LAMP5: variants seen among roughly 807,000 people sequenced by gnomAD.
LAMP5 encodes lysosome-associated membrane glycoprotein 5.
A neutral mutation model predicts 30.2 loss-of-function variants in LAMP5; 36 were observed. That is an observed-to-expected ratio of 1.19 (90% CI 0.91 to 1.57). The LOEUF (loss-of-function observed/expected upper bound fraction) is 1.57, where lower values mean the gene tolerates loss of function less well. LAMP5 is among the 40% of genes most tolerant of loss of function. LAMP5 has a pLI of 0.00. For synonymous variants in LAMP5, 149 were observed against 134.6 expected (o/e 1.11, Z -0.74); for missense variants, 377 against 354.9 (o/e 1.06, Z -0.50).
chr20:9,527,955 C>T (rs946385219), intron 5 of LAMP5, among the ~76,000 whole-genome samples: 3 of 152,206 alleles, frequency 2.0e-5, no homozygotes, highest in African/African-American at 4.8e-5. Flanking sequence ...TCAAGCTCTA[C>T]ACTTACTTAA....
chr20:9,525,523 C>T (rs776836335), intron 5 of LAMP5, among the ~76,000 whole-genome samples: 2 of 152,198 alleles, frequency 1.3e-5, no homozygotes, highest in Non-Finnish European at 2.9e-5. Context: ...CTCTTTCTCT[C>T]ACAATGTTCC....
Position 9,520,798 on chromosome 20 carries a change from C to A in LAMP5, c.664+2570C>A, listed in dbSNP as rs139998192. ...GGACACTCACAAGGGCTGAGAGCAG[C>A]CCAAATGGAGGTTGACATCTTTATC... On this transcript the variant is annotated intron_variant, in intron 5 of 5. Transcript: ENST00000246070. Among the ~76,000 whole-genome samples, 25 of 152,260 alleles carry A rather than the reference C, an allele frequency of 1.6e-4. No individual in the cohort carries two copies. In the East Asian group the frequency reaches 4.8e-3, roughly 29 times the overall value.
At position 9,529,907 on chromosome 20, in the gene LAMP5, A is replaced by T. The variant is rs1275536118; in HGVS notation, c.*87A>T. The stretch of plus-strand genomic sequence containing the variant: ...AGCACTTTTCCATCTTGTACACGAG[A>T]TACACCAACATAGCTACAATCAAAC... On this transcript the variant is annotated 3_prime_UTR_variant, in exon 6 of 6. Coordinates refer to ENST00000246070, the MANE Select transcript of LAMP5 (RefSeq NM_012261.4). 3.1e-6 allele frequency: 4 copies of T among 1,299,140 alleles called. No homozygotes were observed. Among genetic ancestry groups the T allele is most frequent in the Middle Eastern group, 2.3e-4 (1 of 4,256 alleles). The allele number at this position is 1,299,140 out of a possible 1,614,324, so 80.5% of individuals were successfully genotyped here.
chr20:9,529,559 T>C, intron 5 of LAMP5, 83 bp from the exon 6 acceptor site: 1 of 1,387,328 alleles, frequency 7.2e-7, no homozygotes, highest in South Asian at 1.4e-5. Context: ...TCTTTTTACC[T>C]CCATTTCCCT....
intron 5 of LAMP5, among the ~76,000 whole-genome samples, chr20:9,519,896 C>T (rs1223477243): frequency 6.6e-6 from 1 of 152,062 alleles, no homozygotes; most frequent in Non-Finnish European, 1.5e-5. Context: ...ATTTTTAAGT[C>T]GTTGTTTATA....
Position 9,529,851 on chromosome 20 carries a change from C to T in LAMP5, c.*31C>T, listed in dbSNP as rs2045138845. 6.2e-6 allele frequency: 10 copies of T among 1,602,930 alleles called. No homozygotes were observed. Among genetic ancestry groups the T allele is most frequent in the African/African-American group, 1.3e-5 (1 of 74,840 alleles). On this transcript the variant is annotated 3_prime_UTR_variant, in exon 6 of 6. Coordinates refer to ENST00000246070, the MANE Select transcript of LAMP5 (RefSeq NM_012261.4). ...GTTAGGCAGGCACCCCCTATTCCTGCTCCCCCAACTGGATCAGGTAGAACA... is the reference window on the plus strand; with the variant it reads ...GTTAGGCAGGCACCCCCTATTCCTGTTCCCCCAACTGGATCAGGTAGAACA...
intron 5 of LAMP5, among the ~76,000 whole-genome samples, chr20:9,528,883 A>G (rs1209330701): frequency 2.0e-5 from 3 of 152,218 alleles, no homozygotes; most frequent in African/African-American, 7.2e-5. Context: ...ATTTTCTGTC[A>G]GCATAATATT....
At chr20:9,520,998 A>C (rs2283635) in intron 5 of LAMP5, among the ~76,000 whole-genome samples, 1 of 151,950 alleles carries the variant, frequency 6.6e-6, no homozygotes, top group Non-Finnish European at 1.5e-5. Flanking sequence ...AAGAAGCTCC[A>C]TTGCTAGCAA....
At chr20:9,516,393 GC>G in intron 4 of LAMP5, 32 bp downstream of exon 4, 1 of 1,549,426 alleles carries the variant, frequency 6.5e-7, no homozygotes, top group Non-Finnish European at 8.9e-7. Flanking sequence ...TGGGGAGGGA[GC>G]CTGGGAACTC....
At position 9,515,644 on chromosome 20, in the gene LAMP5, C is replaced by CT. The variant is rs199852679; in HGVS notation, c.237+19_237+20insT. On this transcript the variant is annotated intron_variant, in intron 2 of 5. Coordinates refer to ENST00000246070, the MANE Select transcript of LAMP5 (RefSeq NM_012261.4). ...CGTAGATGTAAGGAATCTTTCCCCC[C>CT]CCTCAGCTTGCTCCTAGGGCTCCAG... 5.5e-5 allele frequency: 89 copies of CT among 1,612,014 alleles called. No homozygotes were observed. Among genetic ancestry groups the CT allele is most frequent in the Non-Finnish European group, 7.0e-5 (83 of 1,178,624 alleles).
intron 4 of LAMP5, among the ~76,000 whole-genome samples, chr20:9,517,416 T>C (rs1027547901): frequency 6.6e-6 from 1 of 151,108 alleles, no homozygotes; most frequent in African/African-American, 2.5e-5. Flanking sequence ...CTTCTGTGTC[T>C]TTGGAATCTC....
At chr20:9,519,436 C>T (rs1182730461) in intron 5 of LAMP5, among the ~76,000 whole-genome samples, 2 of 152,166 alleles carry the variant, frequency 1.3e-5, no homozygotes, top group African/African-American at 2.4e-5. Context: ...ATTGAGAAGG[C>T]ATTTGAGAAG....
intron 5 of LAMP5, 129 bp from the exon 6 acceptor site, chr20:9,529,513 A>G: frequency 1.1e-6 from 1 of 945,064 alleles, no homozygotes; most frequent in Non-Finnish European, 1.6e-6. Context: ...AGGGAAAACT[A>G]TTTCTGAAAA....
At chr20:9,520,087 A>G (rs184142840) in intron 5 of LAMP5, among the ~76,000 whole-genome samples, 2 of 152,366 alleles carry the variant, frequency 1.3e-5, no homozygotes, top group Admixed American at 1.3e-4. Flanking sequence ...GGTCCTAGAT[A>G]GGGAAGGCTG....
chr20:9,524,028 C>T (rs763250214), intron 5 of LAMP5, among the ~76,000 whole-genome samples: 6 of 152,136 alleles, frequency 3.9e-5, no homozygotes, highest in Non-Finnish European at 7.3e-5. Context: ...TAGCAGTACC[C>T]GTGACTGTCA....
chr20:9,516,480 TC>T, intron 4 of LAMP5, 119 bp downstream of exon 4: 11 of 831,578 alleles, frequency 1.3e-5, no homozygotes, highest in Non-Finnish European at 2.2e-5. Flanking sequence ...GGCCAAGTCT[TC>T]CCTCGGCTTG....
chr20:9,515,304 C>T (rs906663411), intron 1 of LAMP5, 149 bp from the exon 2 acceptor site: 40 of 645,424 alleles, frequency 6.2e-5, no homozygotes, highest in Non-Finnish European at 9.4e-5. Flanking sequence ...CTTGTTAGAC[C>T]CGGGTTAGAG....
chr20:9,516,485 C>G (rs942325377), intron 4 of LAMP5, 124 bp downstream of exon 4: 1 of 809,242 alleles, frequency 1.2e-6, no homozygotes, highest in Non-Finnish European at 2.0e-6. Context: ...AGTCTTCCCT[C>G]GGCTTGCTCT....
chr20:9,514,741 T>C lies in LAMP5; in HGVS notation c.-112T>C, dbSNP rs2045021467. 2.2e-6 allele frequency: 2 copies of C among 903,764 alleles called. No homozygotes were observed. The highest frequency in any genetic ancestry group is 3.0e-5 in the South Asian group (2 of 67,394). The allele number at this position is 903,764 out of a possible 1,614,324, so 56.0% of individuals were successfully genotyped here. On this transcript the variant is annotated 5_prime_UTR_variant, in exon 1 of 6. Coordinates refer to ENST00000246070, the MANE Select transcript of LAMP5 (RefSeq NM_012261.4). ...ATACGCGCTCCCTCCCTCCCCCTTC[T>C]CTGTCCCCCGCCTCTCGCTCACCCC...
Sources: allele counts gnomAD v4.1 joint callset (sites outside exome capture counted in the v4.1 genomes callset), GRCh38; gene constraint gnomAD v4.1.1; transcripts MANE v1.5; gene names NCBI Gene and HGNC (gene_info 2026-07-23, HGNC 2026-07-21).